Variants in SLC9A4 observed in about 807,000 individuals in gnomAD.
SLC9A4 encodes the protein sodium/hydrogen exchanger 4.
In SLC9A4, 63 loss-of-function variants were observed where a neutral mutation model predicts 67.4. The observed-to-expected ratio is 0.93, with a 90% confidence interval of 0.76 to 1.15. The LOEUF (loss-of-function observed/expected upper bound fraction) is 1.15, where lower values mean the gene tolerates loss of function less well. SLC9A4 is among the 50% of genes most tolerant of loss of function. The pLI is 0.00. For missense variants in SLC9A4, 1,089 were observed against 987.7 expected (o/e 1.10, Z -1.38); for synonymous variants, 393 against 367.2 (o/e 1.07, Z -0.80).
chr2:102,489,003 C>T (rs1013786321), intron 2 of SLC9A4, among the ~76,000 whole-genome samples: 1 of 152,180 alleles, frequency 6.6e-6, no homozygotes, highest in Non-Finnish European at 1.5e-5. Context: ...TTCCACTATG[C>T]CAGAGCAATC....
intron 6 of SLC9A4, 64 bp downstream of exon 6, chr2:102,508,997 C>T (rs1573346500): frequency 6.6e-6 from 9 of 1,368,770 alleles, no homozygotes; most frequent in African/African-American, 2.9e-5. Flanking sequence ...CACCATGAGA[C>T]ATGTGCACGT....
rs568777344 is a variant in SLC9A4 at position 102,490,871 on chromosome 2, CA to C, written c.720+11571del. ...CTTGTACTACTTGCCTTTTGCTAGC[CA>C]ACAGGTCTCTCCCTTCATAATGTTT... On this transcript the variant is annotated intron_variant, in intron 2 of 11. Coordinates refer to ENST00000295269, the MANE Select transcript of SLC9A4 (RefSeq NM_001011552.4). 1.8e-3 allele frequency among the ~76,000 whole-genome samples: 280 copies of C among 152,288 alleles called. 2 individuals carry two copies. The highest frequency in any genetic ancestry group is 2.7e-3 in the Non-Finnish European group (185 of 68,018).
intron 7 of SLC9A4, among the ~76,000 whole-genome samples, chr2:102,513,325 G>T (rs1210824979): frequency 2.6e-5 from 4 of 152,184 alleles, no homozygotes; most frequent in African/African-American, 9.7e-5. Context: ...TAAACCAGCA[G>T]CCCGGAAAGC....
intron 2 of SLC9A4, among the ~76,000 whole-genome samples, chr2:102,502,612 G>A (rs1166637909): frequency 6.6e-6 from 1 of 152,230 alleles, no homozygotes; most frequent in Admixed American, 6.5e-5. Context: ...ACTGGCCACT[G>A]GGTAGCAGAG....
intron 8 of SLC9A4, among the ~76,000 whole-genome samples, chr2:102,515,589 C>T (rs1373116839): frequency 1.3e-5 from 2 of 151,680 alleles, no homozygotes; most frequent in African/African-American, 4.8e-5. Context: ...TGCTCTGCTG[C>T]ATCATGGTGG....
intron 6 of SLC9A4, 136 bp from the exon 7 acceptor site, chr2:102,512,067 T>A: frequency 2.4e-6 from 2 of 830,696 alleles, no homozygotes; most frequent in Admixed American, 2.5e-5. Context: ...TTTTATTACA[T>A]GAACACAGTG....
In SLC9A4 at chr2:102,479,144, C is replaced by T; in HGVS notation, c.562C>T (p.Leu188=). Residue 188 remains leucine, a synonymous_variant, in exon 2 of 12, where the codon CTG becomes TTG. Transcript: ENST00000295269. ...CATCTGCCAGGTGAAGGCCTTTGGCCTGGGCGACGTCAACCTGCTGCAGAA... is the reference window on the plus strand; with the variant it reads ...CATCTGCCAGGTGAAGGCCTTTGGCTTGGGCGACGTCAACCTGCTGCAGAA... ...YLICQVKAFG[L]GDVNLLQNLL... 2 of 1,614,138 alleles carry T rather than the reference C, an allele frequency of 1.2e-6. No individual in the cohort carries two copies. Among genetic ancestry groups the T allele is most frequent in the Non-Finnish European group, 8.5e-7 (1 of 1,179,994 alleles).
At chr2:102,530,327 C>A (rs544673215) in intron 11 of SLC9A4, among the ~76,000 whole-genome samples, 35 of 152,338 alleles carry the variant, frequency 2.3e-4, no homozygotes, top group African/African-American at 8.4e-4. Context: ...AACACATACT[C>A]AGATTTTGTT....
At chr2:102,521,576 C>T (rs1322661177) in intron 9 of SLC9A4, among the ~76,000 whole-genome samples, 3 of 152,196 alleles carry the variant, frequency 2.0e-5, no homozygotes, top group African/African-American at 7.2e-5. Flanking sequence ...CCCTTCCCGT[C>T]TTCCTTTCCT....
chr2:102,480,635 C>T (rs985862536), intron 2 of SLC9A4, among the ~76,000 whole-genome samples: 2 of 152,080 alleles, frequency 1.3e-5, no homozygotes, highest in Non-Finnish European at 2.9e-5. Context: ...TCTTTGCATT[C>T]GTATTTTTAC....
intron 6 of SLC9A4, among the ~76,000 whole-genome samples, chr2:102,510,644 C>T (rs1685148625): frequency 6.6e-6 from 1 of 152,148 alleles, no homozygotes; most frequent in Admixed American, 6.5e-5. Context: ...TAAATTGATA[C>T]CTCAAAATAC....
chr2:102,474,103 G>A (rs1002888764), intron 1 of SLC9A4, 88 bp downstream of exon 1: 1 of 1,442,622 alleles, frequency 6.9e-7, no homozygotes, highest in Non-Finnish European at 9.4e-7. Context: ...GGGCTAAGAG[G>A]ATTTTAACTG....
intron 2 of SLC9A4, among the ~76,000 whole-genome samples, chr2:102,488,827 G>T (rs756164436): frequency 6.6e-6 from 1 of 152,174 alleles, no homozygotes; most frequent in Non-Finnish European, 1.5e-5. Context: ...AATTACAGGC[G>T]TGAGCCACTG....
chr2:102,494,771 C>T (rs755816119), intron 2 of SLC9A4, among the ~76,000 whole-genome samples: 1 of 151,944 alleles, frequency 6.6e-6, no homozygotes, highest in Non-Finnish European at 1.5e-5. Context: ...AAAAAGCTGA[C>T]TAATCAAGAA....
intron 9 of SLC9A4, among the ~76,000 whole-genome samples, chr2:102,521,282 C>G (rs1685412085): frequency 6.6e-6 from 1 of 152,154 alleles, no homozygotes; most frequent in Admixed American, 6.5e-5. Flanking sequence ...TTCTTTTCTT[C>G]CTTGGATGCA....
rs776742394 is a variant in SLC9A4 at position 102,478,810 on chromosome 2, G to C, written c.257-29G>C. ...TACACCCAGACCGTTTCGTTTGCAAGCACCTAACTGCTCTTCGCTGTTCTG... is the reference window on the plus strand; with the variant it reads ...TACACCCAGACCGTTTCGTTTGCAACCACCTAACTGCTCTTCGCTGTTCTG... On this transcript the variant is annotated intron_variant, in intron 1 of 11. Transcript: ENST00000295269. The C allele has an allele frequency of 3.1e-6, 5 of 1,599,418 alleles. No individual in the cohort carries two copies. The African/African-American group carries it at 5.4e-5, about 17-fold the overall frequency.
rs187134848 is a variant in SLC9A4 at position 102,511,713 on chromosome 2, A to G, written c.1489-490A>G. Among the ~76,000 whole-genome samples, 5 of 152,156 alleles carry G rather than the reference A, an allele frequency of 3.3e-5. No individual in the cohort carries two copies. The East Asian group carries it at 9.6e-4, about 29-fold the overall frequency. Reference sequence around the variant, plus strand: ...AAACGAGCATATTAAAATGAGAGATACTTTGTTATTCTATGTTATAGTAGA... The same window carrying G: ...AAACGAGCATATTAAAATGAGAGATGCTTTGTTATTCTATGTTATAGTAGA... On this transcript the variant is annotated intron_variant, in intron 6 of 11. Transcript: ENST00000295269.
At chr2:102,501,152 C>T (rs537803043) in intron 2 of SLC9A4, among the ~76,000 whole-genome samples, 82 of 150,802 alleles carry the variant, frequency 5.4e-4, no homozygotes, top group Non-Finnish European at 9.3e-4. Context: ...GATGGAGTCT[C>T]GCTCTGGCAC....
At chr2:102,497,408 G>C (rs1289060188) in intron 2 of SLC9A4, among the ~76,000 whole-genome samples, 4 of 152,130 alleles carry the variant, frequency 2.6e-5, no homozygotes, top group Non-Finnish European at 5.9e-5. Context: ...CCAAAAACTG[G>C]GGAGTTGGGA....
Sources: gnomAD v4.1 joint callset for allele counts (sites outside exome capture counted in the v4.1 genomes callset) on GRCh38, gnomAD v4.1.1 for gene constraint, MANE v1.5 for transcripts, NCBI Gene and HGNC (gene_info 2026-07-23, HGNC 2026-07-21) for gene names.